Variants in PKNOX2 observed in about 807,000 individuals in gnomAD.
PKNOX2 encodes the protein homeobox protein PKNOX2.
A neutral mutation model predicts 53.1 loss-of-function variants in PKNOX2; 14 were observed. The observed-to-expected ratio is 0.26, with a 90% confidence interval of 0.17 to 0.41. The LOEUF (loss-of-function observed/expected upper bound fraction) is 0.41. Among genes scored for constraint, PKNOX2 ranks in the 10% least tolerant of loss-of-function variants. The pLI is 1.00. For synonymous variants in PKNOX2, 257 were observed against 242.8 expected, an observed-to-expected ratio of 1.06 and a Z score of -0.54; for missense variants, 496 against 602.8, an observed-to-expected ratio of 0.82 and a Z score of 1.85.
intron 2 of PKNOX2, among the ~76,000 whole-genome samples, chr11:125,256,727 G>A (rs1343567394): frequency 6.6e-6 from 1 of 152,090 alleles, no homozygotes; most frequent in East Asian, 1.9e-4. Flanking sequence ...TTTCCAGATA[G>A]CCACTTCCTG....
At chr11:125,241,564 G>A (rs979695013) in intron 2 of PKNOX2, among the ~76,000 whole-genome samples, 1 of 152,158 alleles carries the variant, frequency 6.6e-6, no homozygotes, top group Non-Finnish European at 1.5e-5. Flanking sequence ...GACTGATTAA[G>A]AGAAAGGAGG....
chr11:125,251,730 C>A (rs1160819823), intron 2 of PKNOX2, among the ~76,000 whole-genome samples: 3 of 151,056 alleles, frequency 2.0e-5, no homozygotes, highest in African/African-American at 7.3e-5. Context: ...GCTCAACCCC[C>A]AGATGGATTC....
intron 7 of PKNOX2, among the ~76,000 whole-genome samples, chr11:125,406,904 G>C (rs1471548361): frequency 8.8e-6 from 1 of 113,852 alleles, no homozygotes; most frequent in South Asian, 3.2e-4. Context: ...CAGTGGCCCT[G>C]AGAATCTATG....
At chr11:125,207,227 CCTCCCTTCCTTTCCTCCCTTCTTTGTTT>C (rs1939237158) in intron 1 of PKNOX2, among the ~76,000 whole-genome samples, 2 of 152,046 alleles carry the variant, frequency 1.3e-5, no homozygotes, top group South Asian at 4.2e-4. Context: ...CACCCTCCCT[CCTCCCTTCCTTTCCTCCCTTCTTTGTTT>C]TTCCTTTTTT....
At chr11:125,239,189 C>T (rs1034265415) in intron 2 of PKNOX2, among the ~76,000 whole-genome samples, 2 of 152,220 alleles carry the variant, frequency 1.3e-5, no homozygotes, top group Non-Finnish European at 2.9e-5. Flanking sequence ...TAAAAGTTCA[C>T]TCATAAACTA....
chr11:125,290,633 G>A (rs1004848875), intron 2 of PKNOX2, among the ~76,000 whole-genome samples: 1 of 152,186 alleles, frequency 6.6e-6, no homozygotes, highest in Non-Finnish European at 1.5e-5. Flanking sequence ...GGAGCATGCT[G>A]TTCATTCATT....
intron 2 of PKNOX2, chr11:125,331,513 G>A (rs913827356): frequency 3.9e-5 from 6 of 152,308 alleles, no homozygotes; most frequent in African/African-American, 1.4e-4. Flanking sequence ...ATCACTCACA[G>A]GCACCTGTCC....
Position 125,273,100 on chromosome 11 carries a change from G to A in PKNOX2, c.-130+37985G>A, listed in dbSNP as rs149262221. Among the ~76,000 whole-genome samples, 312 of 152,314 alleles carry A rather than the reference G, an allele frequency of 2.0e-3. 1 individual carries two copies. The highest frequency in any genetic ancestry group is 2.2e-3 in the Admixed American group (33 of 15,306). Reference sequence around the variant, plus strand: ...GGGTGAGAGGCCGCTTGTCAGGCCCGGAGAGACTGGCTGTGCTGGTCAGGA... The same window carrying A: ...GGGTGAGAGGCCGCTTGTCAGGCCCAGAGAGACTGGCTGTGCTGGTCAGGA... On this transcript the variant is annotated intron_variant, in intron 2 of 12. Coordinates refer to ENST00000298282, the MANE Select transcript of PKNOX2 (RefSeq NM_001382323.2).
At position 125,430,136 on chromosome 11, in the gene PKNOX2, C is replaced by T. The variant is rs1956626846; in HGVS notation, c.1187C>T (p.Pro396Leu). 4 of 1,613,692 alleles carry T rather than the reference C, an allele frequency of 2.5e-6. No homozygotes were observed. Among genetic ancestry groups the T allele is most frequent in the Admixed American group, 1.7e-5 (1 of 59,966 alleles). ...QQQGGAPGTN[P>L]DGSINLDNLQ... The stretch of plus-strand genomic sequence containing the variant: ...CAGGGCGGTGCCCCAGGGACAAACC[C>T]CGATGGTAAGAACTGGGGCTGAGTG... The change falls in exon 12 of 13, where the codon CCC becomes CTC. Residue 396 changes from proline to leucine, a missense_variant. This residue lies in a region of PKNOX2 where 139 missense variants were observed against 161.3 expected (regional missense o/e 0.86). Transcript: ENST00000298282.
At chr11:125,176,595 G>A (rs1400933171) in intron 1 of PKNOX2, among the ~76,000 whole-genome samples, 1 of 152,204 alleles carries the variant, frequency 6.6e-6, no homozygotes, top group Non-Finnish European at 1.5e-5. Context: ...CATGAAGGGA[G>A]ACTTGCCGTG....
chr11:125,290,933 G>A (rs1009768658), intron 2 of PKNOX2, among the ~76,000 whole-genome samples: 1 of 152,206 alleles, frequency 6.6e-6, no homozygotes, highest in African/African-American at 2.4e-5. Context: ...AGAAGGATGA[G>A]TAGGGGTTAA....
At chr11:125,243,857 C>T (rs2100175037) in intron 2 of PKNOX2, among the ~76,000 whole-genome samples, 2 of 152,128 alleles carry the variant, frequency 1.3e-5, no homozygotes, top group East Asian at 1.9e-4. Flanking sequence ...CTCCTGACCT[C>T]GTAATCTGCC....
chr11:125,255,659 C>T (rs1358964273), intron 2 of PKNOX2, among the ~76,000 whole-genome samples: 2 of 151,854 alleles, frequency 1.3e-5, no homozygotes, highest in Non-Finnish European at 2.9e-5. Flanking sequence ...GAGACAAGAG[C>T]TGTCCAAGTC....
At chr11:125,307,898 C>A (rs1015432001) in intron 2 of PKNOX2, among the ~76,000 whole-genome samples, 1 of 152,184 alleles carries the variant, frequency 6.6e-6, no homozygotes, top group Non-Finnish European at 1.5e-5. Flanking sequence ...AGGTAGATTA[C>A]AATGAGTGCT....
chr11:125,430,551 C>CAT (rs1956650454), intron 12 of PKNOX2, among the ~76,000 whole-genome samples: 1 of 152,196 alleles, frequency 6.6e-6, no homozygotes, highest in South Asian at 2.1e-4. Flanking sequence ...TCACACCCTC[C>CAT]ATATACACTT....
intron 2 of PKNOX2, among the ~76,000 whole-genome samples, chr11:125,317,015 A>G (rs975513063): frequency 7.2e-5 from 11 of 152,184 alleles, no homozygotes; most frequent in Non-Finnish European, 1.3e-4. Flanking sequence ...GATATTCTAA[A>G]TCCCTTGTTG....
intron 4 of PKNOX2, 75 bp downstream of exon 4, chr11:125,351,467 G>A (rs1467827799): frequency 2.0e-6 from 2 of 991,188 alleles, no homozygotes; most frequent in Non-Finnish European, 3.1e-6. Context: ...GCTGCAGGCT[G>A]GGACATTCCA....
At chr11:125,340,410 C>T (rs1950619686) in intron 3 of PKNOX2, among the ~76,000 whole-genome samples, 1 of 152,166 alleles carries the variant, frequency 6.6e-6, no homozygotes, top group Non-Finnish European at 1.5e-5. Context: ...ATTTCCTGCC[C>T]TCACCCTGAG....
At chr11:125,252,442 A>G (rs1444315004) in intron 2 of PKNOX2, among the ~76,000 whole-genome samples, 1 of 152,168 alleles carries the variant, frequency 6.6e-6, no homozygotes, top group Non-Finnish European at 1.5e-5. Flanking sequence ...AAAAAGAAAC[A>G]AGGCAAGGAG....
Sources: allele counts gnomAD v4.1 joint callset (sites outside exome capture counted in the v4.1 genomes callset), GRCh38; gene constraint gnomAD v4.1.1; regional missense constraint gnomAD v4.1.1; transcripts MANE v1.5; gene names NCBI Gene and HGNC (gene_info 2026-07-23, HGNC 2026-07-21).